Variants in CTNNBL1 observed in about 807,000 individuals in gnomAD.
CTNNBL1 encodes catenin beta like 1, also known as beta-catenin-like protein 1.
CTNNBL1 carries 31 observed loss-of-function variants against 72.7 expected under a neutral mutation model. The observed-to-expected ratio is 0.43, with a 90% confidence interval of 0.32 to 0.58. The LOEUF is 0.58. CTNNBL1 is among the 20% of genes least tolerant of loss of function. CTNNBL1 has a pLI of 0.08. For synonymous variants in CTNNBL1, 240 were observed against 267.3 expected, an observed-to-expected ratio of 0.90 and a Z score of 1.00; for missense variants, 534 against 725.1, an observed-to-expected ratio of 0.74 and a Z score of 3.03.
Position 37,802,788 on chromosome 20 carries a change from G to A in CTNNBL1, c.1032-79G>A, listed in dbSNP as rs965158097. ...TCCATTTAGATGTATAATGTGTACG[G>A]CAGCAAATACCCTTTTTTTTTTTTA... On this transcript the variant is annotated intron_variant, in intron 10 of 15. Transcript: ENST00000361383. 11 of 1,184,268 alleles carry A rather than the reference G, an allele frequency of 9.3e-6. No homozygotes were observed. In the African/African-American group the frequency reaches 1.5e-4, roughly 17 times the overall value. The allele number at this position is 1,184,268 out of a possible 1,614,324, so 73.4% of individuals were successfully genotyped here. A position where few individuals can be genotyped will look rare whatever the true frequency, so the allele number is the denominator to read the frequency against.
intron 11 of CTNNBL1, chr20:37,832,234 GTT>G (rs1288245488): frequency 2.6e-5 from 4 of 152,244 alleles, no homozygotes; most frequent in Non-Finnish European, 5.9e-5. Flanking sequence ...CTAGGTTTCT[GTT>G]TTTCTCAGCA....
At chr20:37,712,030 G>A (rs1407607046) in intron 1 of CTNNBL1, among the ~76,000 whole-genome samples, 1 of 152,198 alleles carries the variant, frequency 6.6e-6, no homozygotes, top group Non-Finnish European at 1.5e-5. Context: ...AATTGTAGAG[G>A]AGCATTCTGG....
At chr20:37,822,397 T>C (rs1039753914) in intron 11 of CTNNBL1, among the ~76,000 whole-genome samples, 1 of 152,212 alleles carries the variant, frequency 6.6e-6, no homozygotes, top group African/African-American at 2.4e-5. Flanking sequence ...TGAAGCGGGC[T>C]GGAGAGCTCT....
intron 10 of CTNNBL1, among the ~76,000 whole-genome samples, chr20:37,793,359 T>C (rs544871580): frequency 3.3e-5 from 5 of 152,354 alleles, no homozygotes; most frequent in African/African-American, 1.2e-4. Flanking sequence ...TCGACCCTTT[T>C]ATTATTATGA....
chr20:37,835,955 G>T (rs1006738952), intron 11 of CTNNBL1, among the ~76,000 whole-genome samples: 6 of 152,184 alleles, frequency 3.9e-5, no homozygotes, highest in Non-Finnish European at 7.3e-5. Flanking sequence ...GAGAAGAATG[G>T]GTTCGTGGAA....
chr20:37,812,592 T>C (rs1475759457), intron 11 of CTNNBL1, among the ~76,000 whole-genome samples: 1 of 152,244 alleles, frequency 6.6e-6, no homozygotes, highest in Non-Finnish European at 1.5e-5. Flanking sequence ...GCAGAGGGTC[T>C]ATTTCTATGG....
chr20:37,696,395 C>G (rs2072791600), intron 1 of CTNNBL1, among the ~76,000 whole-genome samples: 1 of 149,172 alleles, frequency 6.7e-6, no homozygotes, highest in South Asian at 2.1e-4. Context: ...AAAATACACA[C>G]TGGATTTCAA....
intron 11 of CTNNBL1, among the ~76,000 whole-genome samples, chr20:37,803,498 TCTC>T (rs1200227692): frequency 2.0e-5 from 3 of 152,186 alleles, no homozygotes; most frequent in African/African-American, 7.2e-5. Flanking sequence ...CTTTTATGTT[TCTC>T]CTCCCTGATG....
chr20:37,779,413 C>A, intron 10 of CTNNBL1, 78 bp downstream of exon 10: 1 of 1,506,584 alleles, frequency 6.6e-7, no homozygotes. Flanking sequence ...GAGCATGTAG[C>A]TATGATCATT....
chr20:37,867,374 A>G (rs1283430022), intron 15 of CTNNBL1, among the ~76,000 whole-genome samples: 1 of 152,130 alleles, frequency 6.6e-6, no homozygotes, highest in Non-Finnish European at 1.5e-5. Flanking sequence ...TCCGCCCTGG[A>G]AGACGACTTT....
chr20:37,799,431 C>T (rs539855598), intron 10 of CTNNBL1, among the ~76,000 whole-genome samples: 3 of 152,316 alleles, frequency 2.0e-5, no homozygotes, highest in African/African-American at 7.2e-5. Flanking sequence ...CTCCTACAGG[C>T]TGCACACACC....
In CTNNBL1 at chr20:37,746,580, C is replaced by T. The variant is rs1568761420; in HGVS notation, c.439C>T (p.Leu147Phe). The change falls in exon 4 of 16, where the codon CTC becomes TTC. Residue 147 changes from leucine (L) to phenylalanine (F), a missense_variant. By Grantham distance (22) the Leu-to-Phe change is conservative. Coordinates refer to ENST00000361383, the MANE Select transcript of CTNNBL1 (RefSeq NM_030877.5). ...LVELNAVQSL[L>F]GLLGHDNTDV... ...GGAGCTGAATGCTGTACAGTCGCTT[C>T]TCGGCTTGCTCGGACACGATAATAC... The T allele has an allele frequency of 6.2e-7, 1 of 1,614,008 alleles. No individual in the cohort carries two copies. The highest frequency in any genetic ancestry group is 2.2e-5 in the East Asian group (1 of 44,870).
rs2073773189 is a variant in CTNNBL1 at position 37,796,255 on chromosome 20, A to T, written c.1032-6612A>T. 2.6e-5 allele frequency among the ~76,000 whole-genome samples: 4 copies of T among 152,084 alleles called. No homozygotes were observed. The South Asian group carries it at 8.3e-4, about 32-fold the overall frequency. On this transcript the variant is annotated intron_variant, in intron 10 of 15. Coordinates refer to ENST00000361383, the MANE Select transcript of CTNNBL1 (RefSeq NM_030877.5). ...ACATGCTTGCGCTTGTCAGTTCTGG[A>T]GACTGGAAGGGGCCCTCTGCAGATC...
intron 15 of CTNNBL1, among the ~76,000 whole-genome samples, chr20:37,861,075 GGTGGAGA>G (rs1267116706): frequency 6.6e-6 from 1 of 152,212 alleles, no homozygotes; most frequent in South Asian, 2.1e-4. Context: ...AATGTGGAGT[GGTGGAGA>G]GTATGCCTGC....
chr20:37,717,867 T>C (rs2073001049), intron 1 of CTNNBL1, among the ~76,000 whole-genome samples: 2 of 152,160 alleles, frequency 1.3e-5, no homozygotes, highest in Admixed American at 1.3e-4. Context: ...GCACCGCCCT[T>C]AATCCATTTA....
At chr20:37,748,119 G>C (rs2073284207) in intron 4 of CTNNBL1, among the ~76,000 whole-genome samples, 1 of 152,184 alleles carries the variant, frequency 6.6e-6, no homozygotes, top group South Asian at 2.1e-4. Context: ...AATGTAGTTA[G>C]TCTGCTTGAG....
rs116927424 is a variant in CTNNBL1 at position 37,861,663 on chromosome 20, G to T, written c.1603+1319G>T. ...AGTCTACACAGTGAAGTGAAGCACGGTTAAGAGCGTGGGCTCTAGGGTCAG... is the reference window on the plus strand; with the variant it reads ...AGTCTACACAGTGAAGTGAAGCACGTTTAAGAGCGTGGGCTCTAGGGTCAG... On this transcript the variant is annotated intron_variant, in intron 15 of 15. Coordinates refer to ENST00000361383, the MANE Select transcript of CTNNBL1 (RefSeq NM_030877.5). Among the ~76,000 whole-genome samples the T allele has an allele frequency of 2.2e-3, 330 of 152,354 alleles. 1 individual carries two copies. Among genetic ancestry groups the T allele is most frequent in the Non-Finnish European group, 4.1e-3 (282 of 68,040 alleles).
rs181727350 is a variant in CTNNBL1, at chr20:37,832,568, C to T, written c.1214-7534C>T. ...GAGTGCCAGAGACAAGATTTGAATC[C>T]ATGTCCCTGTGATCCTAAATCCCCA... On this transcript the variant is annotated intron_variant, in intron 11 of 15. Transcript: ENST00000361383. Among the ~76,000 whole-genome samples the T allele has an allele frequency of 7.4e-4, 112 of 152,268 alleles. 1 individual carries two copies. Among genetic ancestry groups the T allele is most frequent in the African/African-American group, 2.6e-3 (110 of 41,538 alleles).
intron 11 of CTNNBL1, among the ~76,000 whole-genome samples, chr20:37,811,040 T>C (rs1350220949): frequency 6.6e-6 from 1 of 152,238 alleles, no homozygotes; most frequent in African/African-American, 2.4e-5. Flanking sequence ...GGAATGAGGA[T>C]GAGTTTCCAG....
Sources: gnomAD v4.1 joint callset for allele counts (sites outside exome capture counted in the v4.1 genomes callset) on GRCh38, gnomAD v4.1.1 for gene constraint, MANE v1.5 for transcripts, NCBI Gene and HGNC (gene_info 2026-07-23, HGNC 2026-07-21) for gene names.